The following ME3 variants were observed in gnomAD, a reference collection of about 807,000 sequenced individuals.
ME3 encodes NADP-dependent malic enzyme, mitochondrial.
ME3 carries 48 observed loss-of-function variants against 68.9 expected under a neutral mutation model. The observed-to-expected ratio is 0.70, with a 90% CI of 0.55 to 0.89. The LOEUF (loss-of-function observed/expected upper bound fraction) is 0.89. Ranked by LOEUF, ME3 falls within the 40% of genes least tolerant of loss-of-function variation. ME3 has a pLI of 0.00. For missense variants in ME3, 675 were observed against 797.4 expected, an observed-to-expected ratio of 0.85 and a Z score of 1.85; for synonymous variants, 320 against 318.8, an observed-to-expected ratio of 1.00 and a Z score of -0.04.
intron 7 of ME3, among the ~76,000 whole-genome samples, chr11:86,475,874 T>TATATATATATATAGAGAGAGAGAGAGAG: frequency 3.3e-5 from 3 of 91,468 alleles, no homozygotes; most frequent in African/African-American, 1.0e-4. Context: ...TATATATATA[T>TATATATATATATAGAGAGAGAGAGAGAG]AGAGAGAGAG....
intron 2 of ME3, among the ~76,000 whole-genome samples, chr11:86,563,636 C>T (rs919638262): frequency 3.9e-5 from 6 of 151,918 alleles, no homozygotes; most frequent in Non-Finnish European, 7.4e-5. Flanking sequence ...TATGGTAAAA[C>T]GAAGAGGTCC....
At chr11:86,568,412 G>C (rs376686511) in intron 2 of ME3, among the ~76,000 whole-genome samples, 10 of 152,310 alleles carry the variant, frequency 6.6e-5, no homozygotes, top group African/African-American at 2.2e-4. Flanking sequence ...TGACCATTTC[G>C]ACTGGTCAGT....
chr11:86,442,749 C>T, intron 14 of ME3, 72 bp downstream of exon 14: 1 of 1,298,702 alleles, frequency 7.7e-7, no homozygotes, highest in Non-Finnish European at 1.1e-6. Flanking sequence ...TCCCCTTAAC[C>T]CTCCTAAAGT....
rs72508862 is a variant in ME3 at position 86,642,994 on chromosome 11, G to GTT, written c.183+28766_183+28767dup. ...ATGGATAAATATAAGGTTTCTATTAGTTTTTTTTGACATGTTGACAATAGC... is the reference window on the plus strand; with the variant it reads ...ATGGATAAATATAAGGTTTCTATTAGTTTTTTTTTTGACATGTTGACAATAGC... On this transcript the variant is annotated intron_variant, in intron 2 of 14. Coordinates refer to ENST00000543262, the Ensembl canonical transcript of ME3. 6.6e-5 allele frequency among the ~76,000 whole-genome samples: 10 copies of GTT among 152,052 alleles called. No individual in the cohort carries two copies. The South Asian group carries it at 1.0e-3, about 16-fold the overall frequency.
intron 5 of ME3, among the ~76,000 whole-genome samples, 156 bp from the exon 6 acceptor site, chr11:86,498,280 A>G (rs1418975457): frequency 6.6e-6 from 1 of 152,090 alleles, no homozygotes; most frequent in East Asian, 1.9e-4. Flanking sequence ...GCATTTATTC[A>G]CCTGCAGGTG....
intron 3 of ME3, 107 bp from the exon 4 acceptor site, chr11:86,556,809 A>G: frequency 7.8e-7 from 1 of 1,277,916 alleles, no homozygotes; most frequent in South Asian, 1.4e-5. Context: ...TCAGCCCGGA[A>G]CATTCATGGG....
intron 4 of ME3, among the ~76,000 whole-genome samples, chr11:86,516,845 A>T (rs1398749174): frequency 1.3e-5 from 2 of 152,160 alleles, no homozygotes; most frequent in Non-Finnish European, 2.9e-5. Context: ...AAAAGACCAC[A>T]GGTTCTCTCT....
At chr11:86,488,722 A>T (rs954067118) in intron 6 of ME3, among the ~76,000 whole-genome samples, 2 of 152,172 alleles carry the variant, frequency 1.3e-5, no homozygotes, top group East Asian at 1.9e-4. Context: ...TTTATTTCTC[A>T]TGTACTATTG....
At chr11:86,537,982 G>A (rs899469419) in intron 4 of ME3, among the ~76,000 whole-genome samples, 1 of 152,204 alleles carries the variant, frequency 6.6e-6, no homozygotes, top group Non-Finnish European at 1.5e-5. Flanking sequence ...TGGCTTTCTT[G>A]CTGAGGCTCT....
intron 7 of ME3, among the ~76,000 whole-genome samples, chr11:86,470,017 A>G (rs796746038): frequency 5.9e-5 from 9 of 152,232 alleles, no homozygotes; most frequent in African/African-American, 2.2e-4. Context: ...TCCCATGGGT[A>G]GGAGGGTCTG....
intron 2 of ME3, among the ~76,000 whole-genome samples, chr11:86,606,628 A>T (rs1323317493): frequency 1.3e-5 from 2 of 152,192 alleles, no homozygotes; most frequent in Admixed American, 1.3e-4. Flanking sequence ...ATCAGGACTC[A>T]TGTTCTTACA....
At chr11:86,494,747 G>A (rs1952208458) in intron 6 of ME3, among the ~76,000 whole-genome samples, 2 of 152,268 alleles carry the variant, frequency 1.3e-5, no homozygotes. Flanking sequence ...TTGAAACACT[G>A]ACAACTAGAA....
At chr11:86,645,789 C>T (rs1944970803) in intron 2 of ME3, among the ~76,000 whole-genome samples, 1 of 152,160 alleles carries the variant, frequency 6.6e-6, no homozygotes, top group East Asian at 1.9e-4. Flanking sequence ...ACAGACACCT[C>T]ATACAGGAGA....
In ME3 at chr11:86,486,292, A is replaced by G. The variant is rs111273225; in HGVS notation, c.809+1045T>C. Among the ~76,000 whole-genome samples, 8 of 152,256 alleles carry G rather than the reference A, an allele frequency of 5.3e-5. 1 individual carries two copies. The highest frequency in any genetic ancestry group is 3.9e-4 in the East Asian group (2 of 5,184). On this transcript the variant is annotated intron_variant, in intron 7 of 14. Transcript: ENST00000543262. ...ATCATTTCCACCTTATATAACCACA[A>G]TATTATTTTGCTCTCATCTTAAAAA...
At chr11:86,529,294 A>G (rs2139252583) in intron 4 of ME3, among the ~76,000 whole-genome samples, 1 of 152,324 alleles carries the variant, frequency 6.6e-6, no homozygotes, top group East Asian at 1.9e-4. Context: ...ACACCCTCCC[A>G]AGACTAAACC....
At chr11:86,618,944 C>T (rs1231031533) in intron 2 of ME3, among the ~76,000 whole-genome samples, 2 of 152,062 alleles carry the variant, frequency 1.3e-5, no homozygotes, top group Non-Finnish European at 2.9e-5. Context: ...CTCCTGACCT[C>T]GTGATCCACC....
chr11:86,438,416 T>A (rs1948909272), downstream of ME3, among the ~76,000 whole-genome samples: 1 of 152,192 alleles, frequency 6.6e-6, no homozygotes, highest in Admixed American at 6.5e-5. Flanking sequence ...TCATCTATAT[T>A]CATGAAGGAT....
intron 2 of ME3, among the ~76,000 whole-genome samples, chr11:86,642,729 C>T (rs1053932414): frequency 6.6e-6 from 1 of 152,118 alleles, no homozygotes; most frequent in African/African-American, 2.4e-5. Context: ...ATAAAAAGGG[C>T]TCAAGCATGT....
rs181795907 is a variant in ME3 at position 86,511,826 on chromosome 11, G to C, written c.468-2959C>G. 1.2e-3 allele frequency among the ~76,000 whole-genome samples: 178 copies of C among 152,064 alleles called. 2 individuals are homozygous for C. The highest frequency in any genetic ancestry group is 0.012 in the Admixed American group (176 of 15,274). ...CATCACTATTGTAGGACCTAAGATTGGTCTTTTGAGATGTTTTTCAGATTT... is the reference window on the plus strand; with the variant it reads ...CATCACTATTGTAGGACCTAAGATTCGTCTTTTGAGATGTTTTTCAGATTT... On this transcript the variant is annotated intron_variant, in intron 4 of 14. Coordinates refer to ENST00000543262, the Ensembl canonical transcript of ME3.
Sources: gnomAD v4.1 joint callset for allele counts (sites outside exome capture counted in the v4.1 genomes callset) on GRCh38, gnomAD v4.1.1 for gene constraint, MANE v1.5 for transcripts, NCBI Gene and HGNC (gene_info 2026-07-23, HGNC 2026-07-21) for gene names.